Variants in ST3GAL1 observed in about 807,000 individuals in gnomAD.
ST3GAL1 encodes the protein CMP-N-acetylneuraminate-beta-galactosamide-alpha-2,3-sialyltransferase 1.
In ST3GAL1, 16 loss-of-function variants were observed where a neutral mutation model predicts 34.1. The ratio of observed to expected loss-of-function variants is 0.47; its 90% confidence interval spans 0.32 to 0.71. ST3GAL1 has a LOEUF of 0.71. ST3GAL1 is among the 30% of genes least tolerant of loss of function. The pLI is 0.04. For synonymous variants in ST3GAL1, 191 were observed against 184.7 expected, an observed-to-expected ratio of 1.03 and a Z score of -0.28; for missense variants, 353 against 447.4, an observed-to-expected ratio of 0.79 and a Z score of 1.90.
At chr8:133,535,734 C>T (rs1818292571) in intron 2 of ST3GAL1, among the ~76,000 whole-genome samples, 1 of 152,060 alleles carries the variant, frequency 6.6e-6, no homozygotes, top group South Asian at 2.1e-4. Context: ...AGCAATCTGC[C>T]CGCCCCAGCC....
intron 3 of ST3GAL1, among the ~76,000 whole-genome samples, chr8:133,483,781 C>T (rs1816480564): frequency 1.3e-5 from 2 of 152,190 alleles, no homozygotes; most frequent in African/African-American, 4.8e-5. Flanking sequence ...GACTCTGCAA[C>T]AGCCTTGCCT....
At chr8:133,497,373 T>C (rs1370487990) in intron 3 of ST3GAL1, among the ~76,000 whole-genome samples, 1 of 151,120 alleles carries the variant, frequency 6.6e-6, no homozygotes, top group Non-Finnish European at 1.5e-5. Context: ...AACACAGAAA[T>C]TGTGCAAAGA....
chr8:133,529,914 C>A (rs1370808082), intron 2 of ST3GAL1, among the ~76,000 whole-genome samples: 1 of 152,166 alleles, frequency 6.6e-6, no homozygotes, highest in African/African-American at 2.4e-5. Flanking sequence ...CTGCTGCCAG[C>A]ACTCCCCAGC....
chr8:133,493,009 C>A (rs1816830230), intron 3 of ST3GAL1, among the ~76,000 whole-genome samples: 1 of 152,146 alleles, frequency 6.6e-6, no homozygotes, highest in African/African-American at 2.4e-5. Flanking sequence ...GGCCAAACAC[C>A]CTCATGGCCA....
intron 2 of ST3GAL1, among the ~76,000 whole-genome samples, chr8:133,525,869 A>C (rs1170057949): frequency 6.6e-6 from 1 of 151,938 alleles, no homozygotes; most frequent in Non-Finnish European, 1.5e-5. Flanking sequence ...ACAAGCCTGC[A>C]TGACAGGGGG....
chr8:133,480,423 C>T (rs1002756254), intron 3 of ST3GAL1, among the ~76,000 whole-genome samples: 1 of 152,130 alleles, frequency 6.6e-6, no homozygotes, highest in South Asian at 2.1e-4. Context: ...AGTAAATACC[C>T]ACTGAACGGG....
At chr8:133,523,954 C>G (rs1586640065) in intron 2 of ST3GAL1, among the ~76,000 whole-genome samples, 1 of 152,162 alleles carries the variant, frequency 6.6e-6, no homozygotes, top group Non-Finnish European at 1.5e-5. Flanking sequence ...ATGAGAAAAA[C>G]ATGCTTCAGG....
intron 2 of ST3GAL1, chr8:133,516,079 C>T (rs1206241203): frequency 6.6e-6 from 1 of 152,236 alleles, no homozygotes; most frequent in African/African-American, 2.4e-5. Flanking sequence ...TGGTCTTGAA[C>T]TCCTGACCTC....
intron 2 of ST3GAL1, among the ~76,000 whole-genome samples, chr8:133,542,915 A>G (rs1320012475): frequency 6.6e-6 from 1 of 152,230 alleles, no homozygotes; most frequent in Non-Finnish European, 1.5e-5. Context: ...TAATAAATCT[A>G]TTCAGGCAAG....
intron 5 of ST3GAL1, among the ~76,000 whole-genome samples, chr8:133,470,626 C>T (rs1815916899): frequency 2.0e-5 from 3 of 152,136 alleles, no homozygotes; most frequent in Admixed American, 6.5e-5. Flanking sequence ...GTCAGCTTCC[C>T]TGGAAGCAGA....
intron 5 of ST3GAL1, among the ~76,000 whole-genome samples, chr8:133,472,379 GC>G (rs1816002389): frequency 6.6e-6 from 1 of 151,990 alleles, no homozygotes; most frequent in Non-Finnish European, 1.5e-5. Flanking sequence ...GGGGGAAATC[GC>G]CCCCATGATT....
intron 3 of ST3GAL1, among the ~76,000 whole-genome samples, chr8:133,476,835 G>A (rs982023516): frequency 6.6e-6 from 1 of 152,194 alleles, no homozygotes; most frequent in Admixed American, 6.5e-5. Flanking sequence ...TCCCCTCCAT[G>A]TTTCCAACAA....
chr8:133,480,632 T>C (rs1816345883), intron 3 of ST3GAL1, among the ~76,000 whole-genome samples: 1 of 152,146 alleles, frequency 6.6e-6, no homozygotes, highest in Non-Finnish European at 1.5e-5. Context: ...TACGCTTGTC[T>C]CCCTGAAATG....
At chr8:133,484,596 C>T (rs1050188750) in intron 3 of ST3GAL1, among the ~76,000 whole-genome samples, 2 of 152,220 alleles carry the variant, frequency 1.3e-5, no homozygotes, top group Non-Finnish European at 2.9e-5. Flanking sequence ...GTGTGTGGAA[C>T]TTCCACATGG....
At chr8:133,518,053 G>A (rs774935178) in intron 2 of ST3GAL1, among the ~76,000 whole-genome samples, 1 of 152,184 alleles carries the variant, frequency 6.6e-6, no homozygotes, top group South Asian at 2.1e-4. Context: ...ACCCATTTGT[G>A]TTACCCACGT....
chr8:133,458,876 T>A lies in ST3GAL1; in HGVS notation c.*888A>T, dbSNP rs1216625443. On this transcript the variant is annotated 3_prime_UTR_variant, in exon 10 of 10. Coordinates refer to ENST00000522652, the MANE Select transcript of ST3GAL1 (RefSeq NM_173344.3). ...AAACACGGTGCCAAGTTTGGGGTTT[T>A]TTTTCTTTTCTTTTTTTTTTTTTTT... The A allele has an allele frequency of 1.3e-5, 2 of 149,822 alleles. No individual in the cohort carries two copies. Among genetic ancestry groups the A allele is most frequent in the African/African-American group, 4.9e-5 (2 of 40,800 alleles). The allele number at this position is 149,822 out of a possible 1,614,324, so 9.3% of individuals were successfully genotyped here. A position where few individuals can be genotyped will look rare whatever the true frequency, so the allele number is the denominator to read the frequency against.
chr8:133,556,878 G>A lies in ST3GAL1; in HGVS notation c.-581-10952C>T, dbSNP rs938910826. Among the ~76,000 whole-genome samples the A allele has an allele frequency of 6.6e-6, 1 of 152,106 alleles. No homozygotes were observed. The highest frequency in any genetic ancestry group is 2.4e-5 in the African/African-American group (1 of 41,412). ...TAAAACTAAGTGGAGGGAAGTGGGAGGGAGGTTGGCAGCGGTGCTATTAAT... is the reference window on the plus strand; with the variant it reads ...TAAAACTAAGTGGAGGGAAGTGGGAAGGAGGTTGGCAGCGGTGCTATTAAT... On this transcript the variant is annotated intron_variant, in intron 1 of 9. Coordinates refer to ENST00000522652, the MANE Select transcript of ST3GAL1 (RefSeq NM_173344.3). The surrounding 1 kb of genome is among the most constrained non-coding windows in gnomAD (Gnocchi z 8.9).
intron 2 of ST3GAL1, among the ~76,000 whole-genome samples, chr8:133,536,628 C>T (rs78380297): frequency 0.079 from 11,984 of 152,212 alleles, 1,537 homozygotes; most frequent in African/African-American, 0.27. Flanking sequence ...GCTCCTGTTC[C>T]TGCAGCTCAC....
chr8:133,513,116 G>A (rs1413645003), intron 2 of ST3GAL1, among the ~76,000 whole-genome samples: 1 of 152,196 alleles, frequency 6.6e-6, no homozygotes, highest in Non-Finnish European at 1.5e-5. Flanking sequence ...GGTCATCAAT[G>A]TCAGTGGAAA....
Sources: gnomAD v4.1 joint callset for allele counts (sites outside exome capture counted in the v4.1 genomes callset) on GRCh38, gnomAD v4.1.1 for gene constraint, Gnocchi (gnomAD v3.1) non-coding constraint, MANE v1.5 for transcripts, NCBI Gene and HGNC (gene_info 2026-07-23, HGNC 2026-07-21) for gene names.